Variants in NRXN1 observed in about 807,000 individuals in gnomAD.
The protein encoded by NRXN1 is neurexin 1.
Under a neutral mutation model 150.9 loss-of-function variants are expected in NRXN1, and 39 were observed. The observed-to-expected ratio is 0.26, with a 90% CI of 0.20 to 0.34. The LOEUF (loss-of-function observed/expected upper bound fraction) is 0.34. Among genes scored for constraint, NRXN1 ranks in the 10% least tolerant of loss-of-function variants. The pLI is 1.00. For synonymous variants in NRXN1, 924 were observed against 757.0 expected, an observed-to-expected ratio of 1.22 and a Z score of -3.62; for missense variants, 1,815 against 1,949.9, an observed-to-expected ratio of 0.93 and a Z score of 1.30.
At chr2:50,947,862 T>A (rs1253866722) in intron 2 of NRXN1, among the ~76,000 whole-genome samples, 2 of 151,968 alleles carry the variant, frequency 1.3e-5, no homozygotes, top group African/African-American at 4.8e-5. Context: ...AGGGAAAAAC[T>A]TGTTTTCTCA....
chr2:50,151,513 T>G (rs2058695157), intron 18 of NRXN1, among the ~76,000 whole-genome samples: 1 of 151,516 alleles, frequency 6.6e-6, no homozygotes, highest in South Asian at 2.1e-4. Flanking sequence ...ACAGGGGAGG[T>G]TAGGCCTCAG....
At position 50,347,251 on chromosome 2, in the gene NRXN1, G is replaced by T; in HGVS notation, c.3365-110281C>A. 7.6e-7 allele frequency: 1 copy of T among 1,322,308 alleles called. No homozygotes were observed. The highest frequency in any genetic ancestry group is 9.9e-7 in the Non-Finnish European group (1 of 1,011,212). The allele number at this position is 1,322,308 out of a possible 1,614,324, so 81.9% of individuals were successfully genotyped here. A position where few individuals can be genotyped will look rare whatever the true frequency, so the allele number is the denominator to read the frequency against. ...CGGGTGGCTGCTCCCAGATTTCCAG[G>T]GCTCCAGGTTCTCGAGAGATACTCC... On this transcript the variant is annotated intron_variant, in intron 17 of 22. Coordinates refer to ENST00000401669, the MANE Select transcript of NRXN1 (RefSeq NM_001330078.2). This position sits in a 1 kb window ranked among gnomAD's most constrained non-coding sequence, Gnocchi z 4.9.
At chr2:50,426,332 G>A (rs2084487872) in intron 17 of NRXN1, among the ~76,000 whole-genome samples, 1 of 152,154 alleles carries the variant, frequency 6.6e-6, no homozygotes, top group South Asian at 2.1e-4. Flanking sequence ...AATCAGTCTA[G>A]ATGACTTTTA....
intron 17 of NRXN1, among the ~76,000 whole-genome samples, chr2:50,317,827 A>G (rs1307258755): frequency 1.3e-5 from 2 of 152,078 alleles, no homozygotes; most frequent in Non-Finnish European, 2.9e-5. Context: ...AAGGAATTGA[A>G]ACATTCAAAG....
intron 8 of NRXN1, among the ~76,000 whole-genome samples, chr2:50,583,501 G>T (rs1482607009): frequency 6.6e-6 from 1 of 152,086 alleles, no homozygotes; most frequent in Non-Finnish European, 1.5e-5. Flanking sequence ...CTCCATACCT[G>T]CCAGTTTCCA....
intron 18 of NRXN1, among the ~76,000 whole-genome samples, chr2:50,142,561 A>G (rs1275899592): frequency 2.6e-5 from 4 of 151,956 alleles, no homozygotes; most frequent in Non-Finnish European, 5.9e-5. Flanking sequence ...ATATAACAAA[A>G]TATCACATGT....
chr2:50,045,517 G>A (rs1024489654), intron 21 of NRXN1, among the ~76,000 whole-genome samples: 1 of 151,914 alleles, frequency 6.6e-6, no homozygotes, highest in Non-Finnish European at 1.5e-5. Flanking sequence ...GCTAATTTTT[G>A]TACTTTTCCT....
intron 5 of NRXN1, among the ~76,000 whole-genome samples, chr2:50,855,118 G>A (rs185593398): frequency 6.6e-6 from 1 of 152,024 alleles, no homozygotes; most frequent in African/African-American, 2.4e-5. Flanking sequence ...GAAGAACGTG[G>A]TGCAGTGGGG....
chr2:50,586,184 T>C lies in NRXN1; in HGVS notation c.1321-33159A>G, dbSNP rs576137665. Among the ~76,000 whole-genome samples the C allele has an allele frequency of 3.9e-5, 6 of 152,314 alleles. No homozygotes were observed. In the South Asian group the frequency reaches 1.2e-3, roughly 32 times the overall value. Reference sequence around the variant, plus strand: ...CCTCCAGGGTGTTTGCACTTGCTGTTCTTTCTACCCAGAACGTTCTTCCTC... The same window carrying C: ...CCTCCAGGGTGTTTGCACTTGCTGTCCTTTCTACCCAGAACGTTCTTCCTC... On this transcript the variant is annotated intron_variant, in intron 8 of 22. Transcript: ENST00000401669.
At chr2:50,465,836 A>G (rs991446188) in intron 16 of NRXN1, among the ~76,000 whole-genome samples, 1 of 151,912 alleles carries the variant, frequency 6.6e-6, no homozygotes, top group Non-Finnish European at 1.5e-5. Flanking sequence ...TTATTGTAGC[A>G]GGTAATCTCA....
At chr2:50,201,547 T>C (rs148884217) in intron 18 of NRXN1, among the ~76,000 whole-genome samples, 1 of 152,328 alleles carries the variant, frequency 6.6e-6, no homozygotes, top group East Asian at 1.9e-4. Context: ...GAATTCTCTC[T>C]TCTGATAGCT....
At chr2:50,732,655 C>T (rs1277890578) in intron 5 of NRXN1, among the ~76,000 whole-genome samples, 1 of 152,088 alleles carries the variant, frequency 6.6e-6, no homozygotes, top group East Asian at 1.9e-4. Flanking sequence ...CCCGATTTTC[C>T]TTTAAATCCG....
At chr2:50,450,848 T>C (rs763903596) in intron 17 of NRXN1, among the ~76,000 whole-genome samples, 34 of 152,194 alleles carry the variant, frequency 2.2e-4, no homozygotes, top group Non-Finnish European at 4.0e-4. Flanking sequence ...TTCACAAGTG[T>C]AGAAATTATA....
At chr2:49,974,603 T>A (rs1674958094) in intron 21 of NRXN1, among the ~76,000 whole-genome samples, 1 of 152,212 alleles carries the variant, frequency 6.6e-6, no homozygotes, top group Non-Finnish European at 1.5e-5. Flanking sequence ...GGAACCCTCC[T>A]AGTAGAATCT....
Position 50,782,234 on chromosome 2 carries a change from C to T in NRXN1, c.832+139635G>A, listed in dbSNP as rs1166146899. Among the ~76,000 whole-genome samples, 4 of 151,982 alleles carry T rather than the reference C, an allele frequency of 2.6e-5. No individual in the cohort carries two copies. The East Asian group carries it at 5.8e-4, about 22-fold the overall frequency. On this transcript the variant is annotated intron_variant, in intron 5 of 22. Coordinates refer to ENST00000401669, the MANE Select transcript of NRXN1 (RefSeq NM_001330078.2). The stretch of plus-strand genomic sequence containing the variant: ...AAAAGGATGATACACTTTGGGAGGC[C>T]GAGGAAGGCGGATCACTTGAGGTCA...
intron 2 of NRXN1, among the ~76,000 whole-genome samples, chr2:50,932,784 T>C (rs531037204): frequency 6.2e-4 from 95 of 152,138 alleles, no homozygotes; most frequent in Non-Finnish European, 1.0e-3. Context: ...TAACTACTGG[T>C]ATCACTTTTT....
chr2:50,269,049 A>G (rs2069242691), intron 17 of NRXN1, among the ~76,000 whole-genome samples: 1 of 152,122 alleles, frequency 6.6e-6, no homozygotes, highest in South Asian at 2.1e-4. Flanking sequence ...GTAGATATGG[A>G]AAGTATAGTA....
intron 12 of NRXN1, among the ~76,000 whole-genome samples, chr2:50,513,594 A>C (rs1479353080): frequency 6.6e-6 from 1 of 152,180 alleles, no homozygotes; most frequent in African/African-American, 2.4e-5. Flanking sequence ...CATGATACTA[A>C]ATTTGGATGC....
intron 5 of NRXN1, among the ~76,000 whole-genome samples, chr2:50,849,622 T>C (rs538015150): frequency 6.6e-6 from 1 of 152,190 alleles, no homozygotes; most frequent in African/African-American, 2.4e-5. Context: ...TCTCTCTCTC[T>C]CCTCTTGCAA....
Sources: gnomAD v4.1 joint callset for allele counts (sites outside exome capture counted in the v4.1 genomes callset) on GRCh38, gnomAD v4.1.1 for gene constraint, Gnocchi (gnomAD v3.1) non-coding constraint, MANE v1.5 for transcripts, NCBI Gene and HGNC (gene_info 2026-07-23, HGNC 2026-07-21) for gene names.